Variants in SEMA4C observed in about 807,000 individuals in gnomAD.
The protein encoded by SEMA4C is semaphorin-4C.
A neutral mutation model predicts 89.0 loss-of-function variants in SEMA4C; 19 were observed. The observed-to-expected ratio is 0.21, with a 90% CI of 0.15 to 0.31. SEMA4C has a LOEUF of 0.31. Among genes scored for constraint, SEMA4C ranks in the 10% least tolerant of loss-of-function variants. The pLI, the probability that SEMA4C is intolerant of heterozygous loss-of-function variation, is 1.00. For missense variants in SEMA4C, 811 were observed against 1,107.0 expected (o/e 0.73, Z 3.79); for synonymous variants, 428 against 472.7 (o/e 0.91, Z 1.23).
At position 96,865,933 on chromosome 2, in the gene SEMA4C, G is replaced by A. The variant is rs527848533; in HGVS notation, c.259-4C>T. The A allele has an allele frequency of 1.4e-5, 22 of 1,613,942 alleles. No individual in the cohort carries two copies. In the African/African-American group the frequency reaches 2.3e-4, roughly 17 times the overall value. ...CCACGGGGGCCTCCCAGGAGATCTG[G>A]GGAAAGGGAAGGGGATGTCAGCCAC... On this transcript the variant is annotated splice_polypyrimidine_tract_variant and splice_region_variant and intron_variant, in intron 3 of 14. Coordinates refer to ENST00000305476, the MANE Select transcript of SEMA4C (RefSeq NM_017789.5).
intron 11 of SEMA4C, 55 bp from the exon 12 acceptor site, chr2:96,863,849 C>T (rs1339578916): frequency 1.2e-6 from 2 of 1,600,640 alleles, no homozygotes; most frequent in East Asian, 4.5e-5. Flanking sequence ...CGTGGGGCAG[C>T]TCCAAATCTC....
chr2:96,866,980 C>A, intron 2 of SEMA4C: 1 of 248,870 alleles, frequency 4.0e-6, no homozygotes. Flanking sequence ...GGGCTGTGAG[C>A]CAGGCCAGGG....
At chr2:96,869,063 G>A (rs1208668019) in intron 1 of SEMA4C, 2 of 985,280 alleles carry the variant, frequency 2.0e-6, no homozygotes, top group South Asian at 9.4e-5. Flanking sequence ...GCGGCGGCGC[G>A]GGGAGCGTGG....
chr2:96,861,081 C>G lies in SEMA4C; in HGVS notation c.2047G>C (p.Val683Leu). 6.2e-7 allele frequency: 1 copy of G among 1,612,678 alleles called. No homozygotes were observed. The highest frequency in any genetic ancestry group is 8.5e-7 in the Non-Finnish European group (1 of 1,179,972). Reference sequence around the variant, plus strand: ...CGCAGCCGCCGGCGCAATGACAGCACCAGCAGCAGCAGCACCAGGCACACA... The same window carrying G: ...CGCAGCCGCCGGCGCAATGACAGCAGCAGCAGCAGCAGCACCAGGCACACA... Reference protein sequence around the residue: ...GAVCLVLLLLVLSLRRRLREE... With the variant: ...GAVCLVLLLLLLSLRRRLREE... The change falls in exon 15 of 15, where the codon GTG (valine) becomes CTG (leucine). Residue 683 changes from valine (V) to leucine (L), a missense_variant. Transcript: ENST00000305476. This position sits in a 1 kb window ranked among gnomAD's most constrained non-coding sequence, Gnocchi z 7.8.
rs1407584445 is a variant in SEMA4C at position 96,860,022 on chromosome 2, C to G, written c.*604G>C. ...CCAAACACACAGGAGGCTCCATCTC[C>G]CTCCCCCCACCCTGAAAACATTCAC... On this transcript the variant is annotated 3_prime_UTR_variant, in exon 15 of 15. Transcript: ENST00000305476. 1 of 134,960 alleles carries G rather than the reference C, an allele frequency of 7.4e-6. No individual in the cohort carries two copies. The highest frequency in any genetic ancestry group is 1.6e-5 in the Non-Finnish European group (1 of 62,710). 8.4% of individuals were successfully genotyped at this position (134,960 alleles called of 1,614,324 possible).
chr2:96,869,115 G>A, intron 1 of SEMA4C: 5 of 985,338 alleles, frequency 5.1e-6, no homozygotes, highest in Non-Finnish European at 6.0e-6. Flanking sequence ...CCAGAGCCCC[G>A]GCGCGGGAGA....
Position 96,864,502 on chromosome 2 carries a change from C to T in SEMA4C, c.963-120G>A, listed in dbSNP as rs2080024372. 1 of 1,477,988 alleles carries T rather than the reference C, an allele frequency of 6.8e-7. No individual in the cohort carries two copies. Among genetic ancestry groups the T allele is most frequent in the Non-Finnish European group, 9.2e-7 (1 of 1,090,368 alleles). The allele number at this position is 1,477,988 out of a possible 1,614,324, so 91.6% of individuals were successfully genotyped here. A position where few individuals can be genotyped will look rare whatever the true frequency, so the allele number is the denominator to read the frequency against. On this transcript the variant is annotated intron_variant, in intron 9 of 14. Transcript: ENST00000305476. The surrounding 1 kb of genome is among the most constrained non-coding windows in gnomAD (Gnocchi z 6.3). ...AACTGGCCATGGGTACCAGAATGCCCTGGCAGCTCAAGTGCCACCTGGCAT... is the reference window on the plus strand; with the variant it reads ...AACTGGCCATGGGTACCAGAATGCCTTGGCAGCTCAAGTGCCACCTGGCAT...
At chr2:96,866,590 C>CGGTCCTAAACTACCAAACCTGCATTAAA in intron 2 of SEMA4C, 159 bp from the exon 3 acceptor site, 1 of 1,022,086 alleles carries the variant, frequency 9.8e-7, no homozygotes, top group Non-Finnish European at 1.5e-6. Context: ...TTGGCCCTGA[C>CGGTCCTAAACTACCAAACCTGCATTAAA]AGCCCCACCT....
intron 2 of SEMA4C, 56 bp from the exon 3 acceptor site, chr2:96,866,487 C>CA: frequency 6.2e-7 from 1 of 1,611,202 alleles, no homozygotes. Context: ...CGACAGCCCT[C>CA]AGTCTTGCTC....
At position 96,866,501 on chromosome 2, in the gene SEMA4C, G is replaced by A. The variant is rs114826821; in HGVS notation, c.110-70C>T. ...TCGACAGCCCTCAGTCTTGCTCCAC[G>A]AGAGCCAGCACCCCATGCCACAAGC... On this transcript the variant is annotated intron_variant, in intron 2 of 14. Coordinates refer to ENST00000305476, the MANE Select transcript of SEMA4C (RefSeq NM_017789.5). 1.4e-3 allele frequency: 2,264 copies of A among 1,600,972 alleles called. 22 individuals carry two copies. In the African/African-American group the frequency reaches 0.027, roughly 19 times the overall value.
intron 7 of SEMA4C, 42 bp from the exon 8 acceptor site, chr2:96,865,157 C>CG: frequency 1.2e-6 from 2 of 1,603,112 alleles, no homozygotes; most frequent in Non-Finnish European, 1.7e-6. Flanking sequence ...GGCTGGGCCC[C>CG]GGGGGACCTC....
chr2:96,866,163 C>T (rs1418930597), intron 3 of SEMA4C, 120 bp downstream of exon 3: 51 of 1,391,974 alleles, frequency 3.7e-5, no homozygotes, highest in South Asian at 3.2e-4. Context: ...GGGCAGGCCC[C>T]GGATGCCCAG....
chr2:96,870,029 C>A lies in SEMA4C; in HGVS notation c.-191G>T. 1.0e-6 allele frequency: 1 copy of A among 985,128 alleles called. No individual in the cohort carries two copies. The highest frequency in any genetic ancestry group is 1.2e-6 in the Non-Finnish European group (1 of 829,126). 61.0% of individuals were successfully genotyped at this position (985,128 alleles called of 1,614,324 possible). ...CCCTCCGTCCCCGCCCGGCTCCGCG[C>A]CCCTAGGCTCGGGCTCCCCGCGCCA... is the stretch of plus-strand genomic sequence containing the variant. On this transcript the variant is annotated 5_prime_UTR_variant, in exon 1 of 15. Transcript: ENST00000305476.
Position 96,866,410 on chromosome 2 carries a change from C to T in SEMA4C, c.131G>A (p.Arg44Gln), listed in dbSNP as rs536166215. ...GTCCTGGATGCCGGTCTGGGAGAAC[C>T]GCCGTACTACCGTGGCCAGCTCTGC... ...SSGELATVVR[R>Q]FSQTGIQDFL... Residue 44 changes from arginine (R) to glutamine (Q), a missense_variant, in exon 3 of 15, where the codon CGG becomes CAG. By Grantham distance (43) the Arg-to-Gln change is conservative (BLOSUM62 1). This residue lies in a region of SEMA4C where 119 missense variants were observed against 152.7 expected (regional missense o/e 0.78). Coordinates refer to ENST00000305476, the MANE Select transcript of SEMA4C (RefSeq NM_017789.5). 112 of 1,613,970 alleles carry T rather than the reference C, an allele frequency of 6.9e-5. No homozygotes were observed. In the South Asian group the frequency reaches 8.5e-4, roughly 12 times the overall value.
intron 2 of SEMA4C, 174 bp from the exon 3 acceptor site, chr2:96,866,605 C>T: frequency 5.7e-6 from 5 of 872,732 alleles, no homozygotes; most frequent in Non-Finnish European, 9.3e-6. Context: ...CCACCTGGGC[C>T]TCCCTAGCCT....
intron 3 of SEMA4C, 97 bp from the exon 4 acceptor site, chr2:96,866,026 C>CAG: frequency 7.7e-7 from 1 of 1,294,614 alleles, no homozygotes; most frequent in Middle Eastern, 1.9e-4. Context: ...ACGCCCAGTG[C>CAG]AGAGGCATGG....
chr2:96,870,118 T>A (rs2080172388), upstream of SEMA4C: 3 of 967,320 alleles, frequency 3.1e-6, no homozygotes, highest in Non-Finnish European at 3.7e-6. Flanking sequence ...CCCCTTGACG[T>A]CAGGCTGGGG....
At position 96,861,348 on chromosome 2, in the gene SEMA4C, C is replaced by A. The variant is rs1475030046; in HGVS notation, c.1780G>T (p.Asp594Tyr). 1 of 1,607,350 alleles carries A rather than the reference C, an allele frequency of 6.2e-7. No individual in the cohort carries two copies. Among genetic ancestry groups the A allele is most frequent in the Non-Finnish European group, 8.5e-7 (1 of 1,179,982 alleles). ...GACCCGGGCTGTTCCGCAGGCAGGT[C>A]CCGGCCCCCAAAGGTCCAGCGGGCA... ...AHARWTFGGR[D>Y]LPAEQPGSFL... The change falls in exon 15 of 15, where the codon GAC becomes TAC. Residue 594 changes from aspartate to tyrosine, a missense_variant. By Grantham distance (160) the Asp-to-Tyr change is radical. Transcript: ENST00000305476. This position sits in a 1 kb window ranked among gnomAD's most constrained non-coding sequence, Gnocchi z 7.8.
Position 96,864,531 on chromosome 2 carries a change from G to A in SEMA4C, c.963-149C>T. The A allele has an allele frequency of 7.2e-7, 1 of 1,380,176 alleles. No individual in the cohort carries two copies. Among genetic ancestry groups the A allele is most frequent in the African/African-American group, 1.4e-5 (1 of 69,790 alleles). 85.5% of individuals were successfully genotyped at this position (1,380,176 alleles called of 1,614,324 possible). ...CAGCTCAAGTGCCACCTGGCATGGG[G>A]CCCTGCCCCTTCACAGGCAGCTCTG... On this transcript the variant is annotated intron_variant, in intron 9 of 14. Coordinates refer to ENST00000305476, the MANE Select transcript of SEMA4C (RefSeq NM_017789.5). This position sits in a 1 kb window ranked among gnomAD's most constrained non-coding sequence, Gnocchi z 6.3.
Sources: allele counts gnomAD v4.1 joint callset, GRCh38; gene constraint gnomAD v4.1.1; regional missense constraint gnomAD v4.1.1; non-coding constraint Gnocchi (gnomAD v3.1); transcripts MANE v1.5; gene names NCBI Gene and HGNC (gene_info 2026-07-23, HGNC 2026-07-21).